Variants in SGCZ observed in about 807,000 individuals in gnomAD.
SGCZ encodes the protein sarcoglycan zeta.
A neutral mutation model predicts 41.3 loss-of-function variants in SGCZ; 40 were observed. That is an observed-to-expected ratio of 0.97 (90% CI 0.75 to 1.26). The LOEUF (loss-of-function observed/expected upper bound fraction) is 1.26. Ranked by LOEUF, SGCZ falls within the 50% of genes most tolerant of loss-of-function variation. The pLI, the probability that SGCZ is intolerant of heterozygous loss-of-function variation, is 0.00. For missense variants in SGCZ, 552 were observed against 369.8 expected (o/e 1.49, Z -4.04); for synonymous variants, 206 against 137.5 (o/e 1.50, Z -3.49).
chr8:14,699,075 T>C (rs1809055373), intron 1 of SGCZ, among the ~76,000 whole-genome samples: 1 of 151,618 alleles, frequency 6.6e-6, no homozygotes, highest in Non-Finnish European at 1.5e-5. Flanking sequence ...CTTTAATTTA[T>C]ACAAACAAAA....
intron 1 of SGCZ, among the ~76,000 whole-genome samples, chr8:14,751,954 A>C (rs61041816): frequency 0.055 from 8,191 of 147,884 alleles, 395 homozygotes; most frequent in African/African-American, 0.13. Context: ...AACAAACAAA[A>C]AAAAAAAACA....
intron 1 of SGCZ, among the ~76,000 whole-genome samples, chr8:14,796,425 TG>T (rs145880644): frequency 0.077 from 11,721 of 151,560 alleles, 1,259 homozygotes; most frequent in African/African-American, 0.25. Context: ...ATTCTATTTT[TG>T]TTTTTTTTCT....
chr8:14,778,305 A>G (rs1216012452), intron 1 of SGCZ, among the ~76,000 whole-genome samples: 2 of 152,176 alleles, frequency 1.3e-5, no homozygotes, highest in Admixed American at 6.5e-5. Context: ...CCCCAAATCT[A>G]TATTTCAGAA....
chr8:14,754,852 G>C (rs989473932), intron 1 of SGCZ, among the ~76,000 whole-genome samples: 4 of 152,048 alleles, frequency 2.6e-5, no homozygotes, highest in African/African-American at 7.2e-5. Context: ...GTCCCAAGTA[G>C]CTGGGACTAT....
At chr8:15,135,329 G>T (rs1037633379) in intron 1 of SGCZ, among the ~76,000 whole-genome samples, 1 of 152,100 alleles carries the variant, frequency 6.6e-6, no homozygotes, top group African/African-American at 2.4e-5. Flanking sequence ...GCTGAAATTG[G>T]CTCATTTTCA....
chr8:14,290,755 T>C (rs1054295547), intron 3 of SGCZ, among the ~76,000 whole-genome samples: 2 of 152,088 alleles, frequency 1.3e-5, no homozygotes, highest in Non-Finnish European at 2.9e-5. Context: ...TGTAAATTAG[T>C]ACAATTCTTT....
intron 2 of SGCZ, among the ~76,000 whole-genome samples, chr8:14,495,944 A>G (rs547608875): frequency 6.6e-6 from 1 of 152,294 alleles, no homozygotes; most frequent in Admixed American, 6.5e-5. Context: ...AGTAGACAGA[A>G]GAACAAGCCT....
At chr8:14,635,214 T>C (rs1371314359) in intron 1 of SGCZ, among the ~76,000 whole-genome samples, 6 of 151,934 alleles carry the variant, frequency 3.9e-5, no homozygotes, top group Non-Finnish European at 8.8e-5. Flanking sequence ...CAAGTCATTC[T>C]TTTTCTGCTT....
intron 1 of SGCZ, among the ~76,000 whole-genome samples, chr8:14,864,879 T>C (rs948172393): frequency 9.9e-5 from 15 of 152,112 alleles, no homozygotes; most frequent in Non-Finnish European, 1.8e-4. Context: ...TTGGTTGAGA[T>C]AGTATCCTAT....
At chr8:14,493,048 C>G (rs1801886634) in intron 2 of SGCZ, among the ~76,000 whole-genome samples, 1 of 152,062 alleles carries the variant, frequency 6.6e-6, no homozygotes, top group African/African-American at 2.4e-5. Context: ...CTGATTGTCT[C>G]TCCAAAAAAT....
chr8:15,148,940 C>T (rs1799105179), intron 1 of SGCZ, among the ~76,000 whole-genome samples: 1 of 152,164 alleles, frequency 6.6e-6, no homozygotes, highest in Non-Finnish European at 1.5e-5. Flanking sequence ...ACTGCACGAG[C>T]ACTGAAATCA....
At chr8:14,564,591 T>G (rs941961358) in intron 1 of SGCZ, among the ~76,000 whole-genome samples, 1 of 152,210 alleles carries the variant, frequency 6.6e-6, no homozygotes, top group African/African-American at 2.4e-5. Flanking sequence ...GTAAAAGTAC[T>G]CATTTTTAAA....
intron 2 of SGCZ, among the ~76,000 whole-genome samples, chr8:14,489,333 T>G (rs575133654): frequency 2.6e-5 from 4 of 152,286 alleles, no homozygotes; most frequent in Admixed American, 1.3e-4. Context: ...AATTATAAAA[T>G]GGACACAGAA....
chr8:14,459,417 T>A (rs1402740251), intron 2 of SGCZ, among the ~76,000 whole-genome samples: 2 of 149,624 alleles, frequency 1.3e-5, no homozygotes, highest in Non-Finnish European at 1.5e-5. Flanking sequence ...TAAAGTATAA[T>A]AAAAAATAAA....
chr8:15,115,580 G>C (rs1039570187), intron 1 of SGCZ, among the ~76,000 whole-genome samples: 2 of 152,164 alleles, frequency 1.3e-5, no homozygotes, highest in Admixed American at 1.3e-4. Context: ...CTTTCCTCAA[G>C]ACAAATATGG....
At chr8:14,677,132 T>G (rs570932400) in intron 1 of SGCZ, among the ~76,000 whole-genome samples, 28 of 151,904 alleles carry the variant, frequency 1.8e-4, no homozygotes, top group Non-Finnish European at 3.4e-4. Flanking sequence ...TGATGCAACA[T>G]TAATATACAA....
intron 2 of SGCZ, among the ~76,000 whole-genome samples, chr8:14,324,538 G>C (rs998858319): frequency 6.6e-6 from 1 of 152,064 alleles, no homozygotes; most frequent in African/African-American, 2.4e-5. Context: ...CTACCTGACT[G>C]TTGGAAATAA....
chr8:14,138,524 AAG>A (rs199821238), intron 5 of SGCZ, among the ~76,000 whole-genome samples: 17,115 of 117,476 alleles, frequency 0.15, 1,067 homozygotes, highest in African/African-American at 0.21. Context: ...AAAAAAAAAA[AAG>A]GGGGGGTTGC....
intron 4 of SGCZ, among the ~76,000 whole-genome samples, chr8:14,230,377 G>A (rs998102274): frequency 1.3e-5 from 2 of 152,032 alleles, no homozygotes; most frequent in African/African-American, 4.8e-5. Flanking sequence ...GCTCCAGGAA[G>A]CGTTCCAATA....
Sources: allele counts gnomAD v4.1 joint callset (sites outside exome capture counted in the v4.1 genomes callset), GRCh38; gene constraint gnomAD v4.1.1; transcripts MANE v1.5; gene names NCBI Gene and HGNC (gene_info 2026-07-23, HGNC 2026-07-21).